TOX4: variants seen among roughly 807,000 people sequenced by gnomAD.
TOX4 encodes TOX high mobility group box family member 4.
In TOX4, 12 loss-of-function variants were observed where a neutral mutation model predicts 61.0. The observed-to-expected ratio is 0.20, with a 90% confidence interval of 0.13 to 0.32. TOX4 has a LOEUF of 0.32. Ranked by LOEUF, TOX4 falls within the 10% of genes least tolerant of loss-of-function variation. The pLI, the probability that TOX4 is intolerant of heterozygous loss-of-function variation, is 1.00. For missense variants in TOX4, 499 were observed against 753.3 expected, an observed-to-expected ratio of 0.66 and a Z score of 3.95; for synonymous variants, 268 against 274.8, an observed-to-expected ratio of 0.98 and a Z score of 0.24.
At chr14:21,491,980 G>A (rs1309888041) in intron 5 of TOX4, 2 of 184,968 alleles carry the variant, frequency 1.1e-5, no homozygotes, top group Non-Finnish European at 2.3e-5. Context: ...CACTGCACTC[G>A]AGCCTGGGCG....
intron 8 of TOX4, 44 bp from the exon 9 acceptor site, chr14:21,496,502 A>AGTTTGTGTATAATTCT: frequency 6.5e-7 from 1 of 1,544,258 alleles, no homozygotes; most frequent in East Asian, 2.2e-5. Context: ...ATTCTATTTC[A>AGTTTGTGTATAATTCT]GTTTGTGTAT....
At chr14:21,477,318 G>A in intron 1 of TOX4, 34 bp downstream of exon 1, 1 of 1,614,016 alleles carries the variant, frequency 6.2e-7, no homozygotes, top group Non-Finnish European at 8.5e-7. Context: ...GCTGGCGAGA[G>A]AACGCGGCCG....
At chr14:21,493,658 C>G (rs1205052860) in intron 7 of TOX4, among the ~76,000 whole-genome samples, 1 of 152,016 alleles carries the variant, frequency 6.6e-6, no homozygotes, top group Non-Finnish European at 1.5e-5. Flanking sequence ...AGGCTGGTCT[C>G]GAACTCCTGA....
rs1199735940 is a variant in TOX4, at chr14:21,489,185, C to T, written c.592C>T (p.Gln198Ter). The change falls in exon 5 of 9, where the codon CAG becomes TAG. Residue 198 changes from glutamine to a stop codon, truncating the protein, a stop_gained. Transcript: ENST00000448790. LOFTEE classifies it high-confidence loss of function. ...TTCTCTCCTACAGCAACTTCCCAGC[C>T]AGAAGACAGTCGTGGTGGAAGCAGG... ...VEDFRRQLPSQKTVVVEAGKK... is the reference protein window; with the variant it reads ...VEDFRRQLPS The T allele has an allele frequency of 6.2e-7, 1 of 1,613,564 alleles. No homozygotes were observed. The highest frequency in any genetic ancestry group is 8.5e-7 in the Non-Finnish European group (1 of 1,179,952).
chr14:21,496,882 GGGT>G lies in TOX4; in HGVS notation c.*285_*287del, dbSNP rs1891415152. 2.9e-6 allele frequency: 1 copy of G among 347,628 alleles called. No homozygotes were observed. Among genetic ancestry groups the G allele is most frequent in the Non-Finnish European group, 5.3e-6 (1 of 188,014 alleles). 21.5% of individuals were successfully genotyped at this position (347,628 alleles called of 1,614,324 possible). A position where few individuals can be genotyped will look rare whatever the true frequency, so the allele number is the denominator to read the frequency against. Reference sequence around the variant, plus strand: ...GGGCAAGCAAAGCATAGAGATGGTGGGGTGGTGGTGGGGTTGAAGAAACTTGTT... The same window carrying G: ...GGGCAAGCAAAGCATAGAGATGGTGGGGTGGTGGGGTTGAAGAAACTTGTT... On this transcript the variant is annotated 3_prime_UTR_variant, in exon 9 of 9. Coordinates refer to ENST00000448790, the MANE Select transcript of TOX4 (RefSeq NM_014828.4).
intron 3 of TOX4, chr14:21,488,111 AG>A: frequency 5.9e-6 from 1 of 170,408 alleles, no homozygotes; most frequent in East Asian, 1.7e-4. Context: ...ATTGTGGATT[AG>A]TATGTAATAT....
At chr14:21,496,307 C>T (rs1362598442) in intron 8 of TOX4, 4 of 315,198 alleles carry the variant, frequency 1.3e-5, no homozygotes, top group Non-Finnish European at 2.4e-5. Context: ...GCGGGCGATT[C>T]ACGGGGTCAG....
At chr14:21,489,136 G>A in intron 4 of TOX4, 37 bp from the exon 5 acceptor site, 2 of 1,588,496 alleles carry the variant, frequency 1.3e-6, no homozygotes, top group South Asian at 2.3e-5. Flanking sequence ...ACTTGTCATT[G>A]TCCATTGTGT....
At chr14:21,489,633 C>T (rs1891250722) in intron 5 of TOX4, among the ~76,000 whole-genome samples, 1 of 151,850 alleles carries the variant, frequency 6.6e-6, no homozygotes, top group Non-Finnish European at 1.5e-5. Flanking sequence ...GGCTGGAGTG[C>T]AGTGCCGTGA....
At chr14:21,491,924 T>A (rs1250941764) in intron 5 of TOX4, among the ~76,000 whole-genome samples, 3 of 151,474 alleles carry the variant, frequency 2.0e-5, no homozygotes, top group Non-Finnish European at 4.4e-5. Flanking sequence ...AGCAGGAGAA[T>A]GGCATGAACC....
chr14:21,489,307 G>A lies in TOX4; in HGVS notation c.714G>A (p.Gln238=). The A allele has an allele frequency of 6.2e-7, 1 of 1,614,184 alleles. No individual in the cohort carries two copies. Among genetic ancestry groups the A allele is most frequent in the Non-Finnish European group, 8.5e-7 (1 of 1,180,040 alleles). ...ATGCTTTATTCTTTCGTGATACACA[G>A]GCTGCCATCAAGGGACAGAATCCTA... is the stretch of plus-strand genomic sequence containing the variant. ...SAYALFFRDT[Q]AAIKGQNPNA... Residue 238 remains glutamine, a synonymous_variant, in exon 5 of 9, where the codon CAG becomes CAA. Coordinates refer to ENST00000448790, the MANE Select transcript of TOX4 (RefSeq NM_014828.4).
intron 5 of TOX4, among the ~76,000 whole-genome samples, chr14:21,490,547 G>A (rs1045728374): frequency 2.6e-5 from 4 of 152,068 alleles, no homozygotes; most frequent in African/African-American, 4.8e-5. Flanking sequence ...ACCATTTCCC[G>A]CTTTTAAGGT....
intron 2 of TOX4, among the ~76,000 whole-genome samples, chr14:21,483,476 A>C (rs1374604904): frequency 1.3e-5 from 2 of 151,200 alleles, no homozygotes; most frequent in African/African-American, 2.4e-5. Flanking sequence ...CTGAAATATC[A>C]GAAAGAGTCA....
Position 21,492,290 on chromosome 14 carries a change from T to C in TOX4, c.811-6T>C. 6.2e-7 allele frequency: 1 copy of C among 1,602,584 alleles called. No individual in the cohort carries two copies. The highest frequency in any genetic ancestry group is 1.1e-5 in the South Asian group (1 of 87,838). ...TGTTTTTTTTTTTAAAGTCTCTTTTTTGCAGGTATATAAGAGGAAAACTGA... is the reference window on the plus strand; with the variant it reads ...TGTTTTTTTTTTTAAAGTCTCTTTTCTGCAGGTATATAAGAGGAAAACTGA... On this transcript the variant is annotated splice_polypyrimidine_tract_variant and splice_region_variant and intron_variant, in intron 5 of 8. Transcript: ENST00000448790.
chr14:21,488,739 C>T lies in TOX4; in HGVS notation c.468C>T (p.Ser156=). 1 of 1,614,146 alleles carries T rather than the reference C, an allele frequency of 6.2e-7. No individual in the cohort carries two copies. Among genetic ancestry groups the T allele is most frequent in the Non-Finnish European group, 8.5e-7 (1 of 1,180,032 alleles). The change falls in exon 4 of 9, where the codon AGC becomes AGT. Residue 156 remains serine, a synonymous_variant. Transcript: ENST00000448790. ...QSELSSQLGL[S]LGGGTILPPA... is the part of the protein sequence containing the mutation. ...AACTGAGTTCCCAGCTGGGTTTGAG[C>T]CTAGGGGGTGGCACCATCCTGCCAC...
rs568981509 is a variant in TOX4 at position 21,483,329 on chromosome 14, T to C, written c.76-4122T>C. 2.0e-5 allele frequency among the ~76,000 whole-genome samples: 3 copies of C among 152,288 alleles called. No individual in the cohort carries two copies. The South Asian group carries it at 6.2e-4, about 32-fold the overall frequency. On this transcript the variant is annotated intron_variant, in intron 2 of 8. Coordinates refer to ENST00000448790, the MANE Select transcript of TOX4 (RefSeq NM_014828.4). ...TCTTGAAAATTTTGGAAACTACTAT[T>C]TTACTATTAGTCTAGTACAGTAAAT... is the stretch of plus-strand genomic sequence containing the variant.
intron 4 of TOX4, 25 bp downstream of exon 4, chr14:21,488,875 A>T: frequency 6.2e-7 from 1 of 1,610,640 alleles, no homozygotes. Flanking sequence ...GTCAAAATCA[A>T]TTCTGCTGTG....
chr14:21,492,858 A>G lies in TOX4; in HGVS notation c.1242A>G (p.Gln414=), dbSNP rs555020456. ...QTSTATIQPS[Q]QAQIVTRSVL... ...GTACAGCTACTATCCAGCCCAGTCA[A>G]CAAGCCCAGATTGTCACTCGGTCAG... Residue 414 remains glutamine (Q), a synonymous_variant, in exon 7 of 9, where the codon CAA becomes CAG. Coordinates refer to ENST00000448790, the MANE Select transcript of TOX4 (RefSeq NM_014828.4). 20 of 1,613,460 alleles carry G rather than the reference A, an allele frequency of 1.2e-5. No homozygotes were observed. Among genetic ancestry groups the G allele is most frequent in the East Asian group, 2.2e-5 (1 of 44,854 alleles).
chr14:21,493,288 G>C, intron 7 of TOX4, 31 bp downstream of exon 7: 2 of 1,558,640 alleles, frequency 1.3e-6, no homozygotes, highest in Non-Finnish European at 1.7e-6. Context: ...CTTTAGTCTA[G>C]TGGAAATGTA....
Sources: allele counts gnomAD v4.1 joint callset (sites outside exome capture counted in the v4.1 genomes callset), GRCh38; gene constraint gnomAD v4.1.1; transcripts MANE v1.5; gene names NCBI Gene and HGNC (gene_info 2026-07-23, HGNC 2026-07-21).